BRINP1: variants seen among roughly 807,000 people sequenced by gnomAD.
The protein encoded by BRINP1 is BMP/retinoic acid-inducible neural-specific protein 1.
In BRINP1, 17 loss-of-function variants were observed where a neutral mutation model predicts 72.9. That is an observed-to-expected ratio of 0.23 (90% CI 0.16 to 0.35). The LOEUF is 0.35. Among genes scored for constraint, BRINP1 ranks in the 10% least tolerant of loss-of-function variants. BRINP1 has a pLI of 1.00. For synonymous variants in BRINP1, 418 were observed against 378.5 expected (o/e 1.10, Z -1.21); for missense variants, 850 against 1,001.6 (o/e 0.85, Z 2.04).
intron 5 of BRINP1, among the ~76,000 whole-genome samples, chr9:119,225,416 A>G (rs1298983573): frequency 2.0e-5 from 3 of 151,996 alleles, no homozygotes; most frequent in Non-Finnish European, 4.4e-5. Context: ...TCCCTTATAT[A>G]AAATAGCATA....
At chr9:119,298,114 C>T (rs1564241939) in intron 2 of BRINP1, among the ~76,000 whole-genome samples, 1 of 152,222 alleles carries the variant, frequency 6.6e-6, no homozygotes, top group Non-Finnish European at 1.5e-5. Flanking sequence ...ACAACTGCTG[C>T]TCATTTTGTT....
intron 2 of BRINP1, among the ~76,000 whole-genome samples, chr9:119,252,660 C>T (rs1177608234): frequency 1.3e-5 from 2 of 151,690 alleles, no homozygotes; most frequent in Non-Finnish European, 2.9e-5. Context: ...TTATTTCACA[C>T]AGAGAGGTTA....
intron 3 of BRINP1, among the ~76,000 whole-genome samples, chr9:119,245,181 G>A (rs868218479): frequency 7.1e-6 from 1 of 141,502 alleles, no homozygotes; most frequent in Non-Finnish European, 1.6e-5. Flanking sequence ...TCATATGCAT[G>A]TGCAAGCTCA....
intron 7 of BRINP1, 67 bp from the exon 8 acceptor site, chr9:119,168,291 A>G: frequency 7.7e-7 from 1 of 1,306,398 alleles, no homozygotes; most frequent in Non-Finnish European, 1.0e-6. Context: ...ACAGTTATCC[A>G]ACTGATAATG....
intron 2 of BRINP1, among the ~76,000 whole-genome samples, chr9:119,276,155 T>C (rs1830655642): frequency 6.6e-6 from 1 of 152,216 alleles, no homozygotes; most frequent in Non-Finnish European, 1.5e-5. Context: ...GAAATATCTA[T>C]CACAGTCATC....
At chr9:119,191,623 T>C (rs1829684888) in intron 7 of BRINP1, among the ~76,000 whole-genome samples, 2 of 151,742 alleles carry the variant, frequency 1.3e-5, no homozygotes, top group Admixed American at 1.3e-4. Flanking sequence ...AAGACACAAA[T>C]AAATGAAAAG....
At chr9:119,257,734 G>A (rs1241037686) in intron 2 of BRINP1, among the ~76,000 whole-genome samples, 2 of 152,120 alleles carry the variant, frequency 1.3e-5, no homozygotes, top group Non-Finnish European at 2.9e-5. Flanking sequence ...AGCTGAGAGA[G>A]GAAAGAAGGC....
intron 4 of BRINP1, among the ~76,000 whole-genome samples, chr9:119,239,187 G>A (rs185005503): frequency 6.6e-6 from 1 of 152,358 alleles, no homozygotes; most frequent in East Asian, 1.9e-4. Flanking sequence ...CTTCCAGAGA[G>A]GTTGTGAGAC....
intron 2 of BRINP1, among the ~76,000 whole-genome samples, chr9:119,269,953 T>C (rs1287017250): frequency 6.6e-6 from 1 of 151,916 alleles, no homozygotes; most frequent in Non-Finnish European, 1.5e-5. Flanking sequence ...AAGTGTTACG[T>C]ATTATGGAAA....
chr9:119,321,756 A>G (rs536603981), intron 1 of BRINP1, among the ~76,000 whole-genome samples: 48 of 152,244 alleles, frequency 3.2e-4, no homozygotes, highest in Non-Finnish European at 6.2e-4. Context: ...TGCCTGGCCA[A>G]TAGAATTTTA....
At chr9:119,219,679 GAGAGAGAGAGAGAGAGAA>G (rs1345526190) in intron 5 of BRINP1, among the ~76,000 whole-genome samples, 2 of 141,490 alleles carry the variant, frequency 1.4e-5, no homozygotes, top group South Asian at 2.2e-4. Flanking sequence ...GAGAGAGAGA[GAGAGAGAGAGAGAGAGAA>G]AGAGATGTAA....
At chr9:119,202,206 G>A (rs1197702997) in intron 7 of BRINP1, among the ~76,000 whole-genome samples, 1 of 152,166 alleles carries the variant, frequency 6.6e-6, no homozygotes, top group African/African-American at 2.4e-5. Context: ...GGATAAATTA[G>A]CGCTACTTCA....
intron 1 of BRINP1, among the ~76,000 whole-genome samples, chr9:119,327,566 T>C (rs1452193722): frequency 6.6e-6 from 1 of 152,090 alleles, no homozygotes; most frequent in Non-Finnish European, 1.5e-5. Context: ...CTGCAGGGGT[T>C]AGTGGAGAGA....
intron 1 of BRINP1, among the ~76,000 whole-genome samples, chr9:119,322,241 T>C (rs1031583600): frequency 2.0e-5 from 3 of 152,132 alleles, no homozygotes; most frequent in Admixed American, 1.3e-4. Context: ...AGAGGCTGGT[T>C]CTATTCTGAG....
chr9:119,264,677 G>A (rs779324165), intron 2 of BRINP1, among the ~76,000 whole-genome samples: 4 of 152,028 alleles, frequency 2.6e-5, no homozygotes, highest in Non-Finnish European at 4.4e-5. Flanking sequence ...TAGCCCTGAT[G>A]TTTTTTTGTT....
intron 7 of BRINP1, among the ~76,000 whole-genome samples, chr9:119,180,301 C>T (rs901671677): frequency 1.3e-4 from 20 of 151,982 alleles, no homozygotes; most frequent in African/African-American, 4.6e-4. Context: ...TTATTTATGC[C>T]CTTTGCTTTT....
chr9:119,220,890 G>A (rs938950766), intron 5 of BRINP1, among the ~76,000 whole-genome samples: 2 of 152,058 alleles, frequency 1.3e-5, no homozygotes, highest in African/African-American at 2.4e-5. Context: ...ATAGCAGAGG[G>A]CATAATTTGG....
chr9:119,349,441 GC>G (rs1442512608), intron 1 of BRINP1, among the ~76,000 whole-genome samples: 1 of 152,200 alleles, frequency 6.6e-6, no homozygotes, highest in African/African-American at 2.4e-5. Context: ...TTGGAGAGAA[GC>G]CGAGAGATTT....
At chr9:119,172,130 A>G (rs900080715) in intron 7 of BRINP1, among the ~76,000 whole-genome samples, 9 of 151,534 alleles carry the variant, frequency 5.9e-5, no homozygotes, top group African/African-American at 1.9e-4. Flanking sequence ...AATAACTAAA[A>G]TCAGAGCAGA....
Sources: allele counts gnomAD v4.1 joint callset (sites outside exome capture counted in the v4.1 genomes callset), GRCh38; gene constraint gnomAD v4.1.1; transcripts MANE v1.5; gene names NCBI Gene and HGNC (gene_info 2026-07-23, HGNC 2026-07-21).